The following SLC4A8 variants were observed in gnomAD, a reference collection of about 807,000 sequenced individuals.
SLC4A8 encodes the protein solute carrier family 4 member 8.
A neutral mutation model predicts 125.0 loss-of-function variants in SLC4A8; 40 were observed. The observed-to-expected ratio is 0.32, with a 90% CI of 0.25 to 0.42. SLC4A8 has a LOEUF of 0.42. SLC4A8 is among the 10% of genes least tolerant of loss of function. The pLI, the probability that SLC4A8 is intolerant of heterozygous loss-of-function variation, is 1.00. For synonymous variants in SLC4A8, 456 were observed against 476.0 expected (o/e 0.96, Z 0.55); for missense variants, 863 against 1,355.1 (o/e 0.64, Z 5.70).
chr12:51,403,015 G>T (rs993701729), intron 1 of SLC4A8: 1 of 339,590 alleles, frequency 2.9e-6, no homozygotes, highest in Non-Finnish European at 5.9e-6. Context: ...CCCCCAGTTA[G>T]CTGGCAGTTC....
chr12:51,501,442 G>A (rs1937879808), intron 22 of SLC4A8, among the ~76,000 whole-genome samples: 1 of 152,134 alleles, frequency 6.6e-6, no homozygotes, highest in Non-Finnish European at 1.5e-5. Context: ...TTCACTTAGG[G>A]TACTGGCCTC....
chr12:51,497,262 C>T, intron 22 of SLC4A8, 138 bp downstream of exon 22: 2 of 958,698 alleles, frequency 2.1e-6, no homozygotes, highest in Non-Finnish European at 3.1e-6. Context: ...AAGATGTTCT[C>T]AGCTAAGAAT....
At chr12:51,457,255 C>G (rs1035855214) in intron 5 of SLC4A8, 96 bp from the exon 6 acceptor site, 6 of 956,950 alleles carry the variant, frequency 6.3e-6, no homozygotes, top group Non-Finnish European at 9.5e-6. Flanking sequence ...GCTGCTTCCC[C>G]CTACTCCATG....
At chr12:51,449,992 G>T (rs1949910394) in intron 2 of SLC4A8, among the ~76,000 whole-genome samples, 2 of 152,098 alleles carry the variant, frequency 1.3e-5, no homozygotes, top group African/African-American at 2.4e-5. Context: ...CCAGGCTACT[G>T]CCCTCTAGCC....
rs750111417 is a variant in SLC4A8, at chr12:51,475,246, A to G, written c.2172+40A>G. On this transcript the variant is annotated intron_variant, in intron 16 of 24. Transcript: ENST00000453097. ...CATGCATTTCTTTCACGTTAGAATCAAATATAACAGAACCTTTTCTCAGCC... is the reference window on the plus strand; with the variant it reads ...CATGCATTTCTTTCACGTTAGAATCGAATATAACAGAACCTTTTCTCAGCC... The G allele has an allele frequency of 3.1e-6, 5 of 1,596,046 alleles. No homozygotes were observed. The African/African-American group carries it at 6.7e-5, about 21-fold the overall frequency.
At chr12:51,423,189 T>G (rs1016053675), upstream of SLC4A8, among the ~76,000 whole-genome samples, 7 of 152,364 alleles carry the variant, frequency 4.6e-5, no homozygotes, top group East Asian at 1.2e-3. Flanking sequence ...TATAATATTT[T>G]AGTAAGCTAA....
intron 16 of SLC4A8, among the ~76,000 whole-genome samples, chr12:51,482,851 A>G (rs1214432297): frequency 6.6e-6 from 1 of 152,200 alleles, no homozygotes; most frequent in Non-Finnish European, 1.5e-5. Context: ...ACCTCCCAGA[A>G]AGCAGAAAAT....
chr12:51,450,222 A>T (rs1485791441), intron 2 of SLC4A8, among the ~76,000 whole-genome samples: 2 of 152,154 alleles, frequency 1.3e-5, no homozygotes, highest in African/African-American at 4.8e-5. Context: ...TAGAAAATAA[A>T]ATAATGGAAG....
At chr12:51,411,743 T>A (rs1948601579) in intron 1 of SLC4A8, among the ~76,000 whole-genome samples, 1 of 152,186 alleles carries the variant, frequency 6.6e-6, no homozygotes, top group Admixed American at 6.5e-5. Context: ...CAGTGTCAGT[T>A]GAAAGAGCTG....
At chr12:51,492,783 A>C (rs1951351548) in intron 19 of SLC4A8, among the ~76,000 whole-genome samples, 1 of 152,082 alleles carries the variant, frequency 6.6e-6, no homozygotes, top group South Asian at 2.1e-4. Context: ...TCAACCGATC[A>C]TCTAGGTTTT....
chr12:51,477,956 C>A (rs1022189952), intron 16 of SLC4A8, among the ~76,000 whole-genome samples: 1 of 152,140 alleles, frequency 6.6e-6, no homozygotes, highest in East Asian at 1.9e-4. Flanking sequence ...CATGGCAAAA[C>A]GCTTTCTCTA....
chr12:51,507,415 C>A lies in SLC4A8; in HGVS notation c.3270-11C>A. The A allele has an allele frequency of 7.2e-7, 1 of 1,382,172 alleles. No individual in the cohort carries two copies. The highest frequency in any genetic ancestry group is 1.9e-4 in the Middle Eastern group (1 of 5,208). The allele number at this position is 1,382,172 out of a possible 1,614,324, so 85.6% of individuals were successfully genotyped here. A position where few individuals can be genotyped will look rare whatever the true frequency, so the allele number is the denominator to read the frequency against. On this transcript the variant is annotated splice_polypyrimidine_tract_variant and intron_variant, in intron 24 of 24. Transcript: ENST00000453097. Reference sequence around the variant, plus strand: ...GTTCCCTTTTTGTCTAATTGTAACACTTTTATTCAGTCTCTTCAACTAAGA... The same window carrying A: ...GTTCCCTTTTTGTCTAATTGTAACAATTTTATTCAGTCTCTTCAACTAAGA...
At chr12:51,461,415 A>G in intron 9 of SLC4A8, 124 bp downstream of exon 9, 2 of 641,346 alleles carry the variant, frequency 3.1e-6, no homozygotes, top group Middle Eastern at 2.8e-4. Context: ...GCTGGGAAGT[A>G]GTTCAGGGTA....
chr12:51,420,059 T>C (rs1042239208), upstream of SLC4A8: 5 of 152,194 alleles, frequency 3.3e-5, no homozygotes, highest in Non-Finnish European at 7.3e-5. Flanking sequence ...TGCATAACCT[T>C]TTCAGCTTGA....
chr12:51,494,647 T>G, intron 20 of SLC4A8: 1 of 225,552 alleles, frequency 4.4e-6, no homozygotes, highest in Non-Finnish European at 8.6e-6. Context: ...AAAGATGTAA[T>G]TGGTTTATTT....
intron 22 of SLC4A8, chr12:51,502,178 T>A (rs967002527): frequency 1.3e-4 from 20 of 152,228 alleles, no homozygotes; most frequent in Non-Finnish European, 2.1e-4. Flanking sequence ...AGAAGTCAGA[T>A]TAGAAATGAT....
intron 22 of SLC4A8, among the ~76,000 whole-genome samples, chr12:51,499,446 A>C (rs1178414379): frequency 6.6e-6 from 1 of 151,838 alleles, no homozygotes; most frequent in African/African-American, 2.4e-5. Context: ...TTTTTGATTA[A>C]TTTTCTTCCT....
chr12:51,450,673 A>G, intron 2 of SLC4A8: 2 of 562,726 alleles, frequency 3.6e-6, no homozygotes, highest in Non-Finnish European at 6.3e-6. Flanking sequence ...GTTTGCAGGC[A>G]TGTGCAGGAC....
chr12:51,482,763 A>G (rs1220283556), intron 16 of SLC4A8, among the ~76,000 whole-genome samples: 4 of 152,202 alleles, frequency 2.6e-5, no homozygotes, highest in Non-Finnish European at 5.9e-5. Flanking sequence ...TAGAAAAGGT[A>G]ATTCAGTGAA....
Sources: gnomAD v4.1 joint callset for allele counts (sites outside exome capture counted in the v4.1 genomes callset) on GRCh38, gnomAD v4.1.1 for gene constraint, MANE v1.5 for transcripts, NCBI Gene and HGNC (gene_info 2026-07-23, HGNC 2026-07-21) for gene names.